PLCB1: variants seen among roughly 807,000 people sequenced by gnomAD.
PLCB1 encodes the protein phospholipase C beta 1, also known as 1-phosphatidylinositol 4,5-bisphosphate phosphodiesterase beta-1.
PLCB1 carries 46 observed loss-of-function variants against 161.8 expected under a neutral mutation model. That is an observed-to-expected ratio of 0.28 (90% CI 0.22 to 0.36). PLCB1 has a LOEUF of 0.36. Among genes scored for constraint, PLCB1 ranks in the 10% least tolerant of loss-of-function variants. The pLI, the probability that PLCB1 is intolerant of heterozygous loss-of-function variation, is 1.00. For missense variants in PLCB1, 1,016 were observed against 1,472.5 expected, an observed-to-expected ratio of 0.69 and a Z score of 5.07; for synonymous variants, 517 against 503.7, an observed-to-expected ratio of 1.03 and a Z score of -0.35.
At chr20:8,878,830 G>A (rs962546376) in intron 31 of PLCB1, among the ~76,000 whole-genome samples, 7 of 151,390 alleles carry the variant, frequency 4.6e-5, no homozygotes, top group Admixed American at 2.6e-4. Flanking sequence ...GTACAGGTTT[G>A]TTACATGAGT....
At chr20:8,348,767 A>C (rs1986080747) in intron 2 of PLCB1, among the ~76,000 whole-genome samples, 1 of 152,206 alleles carries the variant, frequency 6.6e-6, no homozygotes, top group Non-Finnish European at 1.5e-5. Context: ...TGTGGTTATA[A>C]GTAGAACTAA....
intron 1 of PLCB1, among the ~76,000 whole-genome samples, chr20:8,145,548 G>C (rs2051445076): frequency 6.6e-6 from 1 of 152,188 alleles, no homozygotes; most frequent in African/African-American, 2.4e-5. Flanking sequence ...GAAGAAGTTA[G>C]ATTTATTTTG....
At chr20:8,403,514 G>A (rs995785440) in intron 3 of PLCB1, among the ~76,000 whole-genome samples, 8 of 152,192 alleles carry the variant, frequency 5.3e-5, no homozygotes, top group East Asian at 3.8e-4. Flanking sequence ...CAGTGGTGCC[G>A]TAGGTTGGAA....
At chr20:8,455,669 G>A (rs1002497902) in intron 3 of PLCB1, among the ~76,000 whole-genome samples, 3 of 151,990 alleles carry the variant, frequency 2.0e-5, no homozygotes, top group African/African-American at 7.2e-5. Flanking sequence ...TCTTCTAAGT[G>A]TGCTGCACCC....
At chr20:8,195,251 G>A (rs2052009192) in intron 2 of PLCB1, among the ~76,000 whole-genome samples, 1 of 151,994 alleles carries the variant, frequency 6.6e-6, no homozygotes, top group Non-Finnish European at 1.5e-5. Context: ...AGAAGATATA[G>A]CAGTTTGTCT....
chr20:8,427,708 G>C (rs927824479), intron 3 of PLCB1, among the ~76,000 whole-genome samples: 1 of 152,136 alleles, frequency 6.6e-6, no homozygotes, highest in African/African-American at 2.4e-5. Flanking sequence ...TTCTTGATTG[G>C]TTGGAGTAAG....
chr20:8,261,057 G>T (rs965432285), intron 2 of PLCB1, among the ~76,000 whole-genome samples: 1 of 152,116 alleles, frequency 6.6e-6, no homozygotes, highest in South Asian at 2.1e-4. Context: ...CCAAGGGATC[G>T]GGTGGGGACT....
At chr20:8,712,554 ACT>A (rs1281156181) in intron 12 of PLCB1, among the ~76,000 whole-genome samples, 1 of 152,180 alleles carries the variant, frequency 6.6e-6, no homozygotes, top group Non-Finnish European at 1.5e-5. Flanking sequence ...GCCCTACTTG[ACT>A]CTGACATCCT....
In PLCB1 at chr20:8,882,643, A is replaced by G. The variant is rs1988036581; in HGVS notation, c.*794A>G. 6.6e-6 allele frequency: 1 copy of G among 152,596 alleles called. No individual in the cohort carries two copies. Among genetic ancestry groups the G allele is most frequent in the Non-Finnish European group, 1.5e-5 (1 of 68,048 alleles). 9.5% of individuals were successfully genotyped at this position (152,596 alleles called of 1,614,324 possible). A position where few individuals can be genotyped will look rare whatever the true frequency, so the allele number is the denominator to read the frequency against. ...TGGGTATTCATTGGTTATTGGCCTGAAATGATCAAATAACTACAAATGATC... is the reference window on the plus strand; with the variant it reads ...TGGGTATTCATTGGTTATTGGCCTGGAATGATCAAATAACTACAAATGATC... On this transcript the variant is annotated 3_prime_UTR_variant, in exon 32 of 32. Coordinates refer to ENST00000338037, the MANE Select transcript of PLCB1 (RefSeq NM_015192.4).
At chr20:8,300,026 G>A (rs1983823923) in intron 2 of PLCB1, among the ~76,000 whole-genome samples, 1 of 152,134 alleles carries the variant, frequency 6.6e-6, no homozygotes. Context: ...GAGTGGGTGG[G>A]GTTCACCTTG....
intron 31 of PLCB1, among the ~76,000 whole-genome samples, chr20:8,814,052 G>A (rs765515730): frequency 5.9e-5 from 9 of 152,108 alleles, no homozygotes; most frequent in Non-Finnish European, 1.3e-4. Flanking sequence ...GGGAGTTTTA[G>A]AAATGACTTT....
intron 1 of PLCB1, among the ~76,000 whole-genome samples, chr20:8,148,441 A>G (rs1568569980): frequency 1.3e-5 from 2 of 152,174 alleles, no homozygotes. Context: ...TGTAAAAGAT[A>G]TTTTTCAAAC....
chr20:8,358,132 A>T (rs891852674), intron 2 of PLCB1, among the ~76,000 whole-genome samples: 8 of 131,606 alleles, frequency 6.1e-5, no homozygotes, highest in Non-Finnish European at 9.6e-5. Context: ...TCTTGCCCTG[A>T]CTTTTGCCCA....
intron 2 of PLCB1, among the ~76,000 whole-genome samples, chr20:8,286,980 G>T (rs1983151866): frequency 6.6e-6 from 1 of 152,048 alleles, no homozygotes; most frequent in African/African-American, 2.4e-5. Context: ...ACCAGCCAAG[G>T]ATATAAATTC....
intron 3 of PLCB1, among the ~76,000 whole-genome samples, chr20:8,498,244 C>T (rs1442642246): frequency 6.6e-6 from 1 of 152,094 alleles, no homozygotes; most frequent in South Asian, 2.1e-4. Flanking sequence ...ATTACAGGCA[C>T]GTGCCACCAC....
At chr20:8,789,475 C>G in intron 29 of PLCB1, 43 bp from the exon 30 acceptor site, 1 of 1,262,662 alleles carries the variant, frequency 7.9e-7, no homozygotes, top group Non-Finnish European at 1.2e-6. Flanking sequence ...TTTGTCAATT[C>G]TGGATGAATT....
intron 31 of PLCB1, among the ~76,000 whole-genome samples, chr20:8,853,206 A>G (rs1986949484): frequency 6.6e-6 from 1 of 152,240 alleles, no homozygotes; most frequent in Admixed American, 6.5e-5. Flanking sequence ...TATATAAATA[A>G]AATAAAGTAG....
intron 3 of PLCB1, among the ~76,000 whole-genome samples, chr20:8,487,132 C>CT (rs1982763712): frequency 6.6e-6 from 1 of 152,086 alleles, no homozygotes; most frequent in Admixed American, 6.6e-5. Context: ...ATGTGTGTGT[C>CT]TATGTGTGTA....
chr20:8,782,526 G>C (rs1410690114), intron 27 of PLCB1, among the ~76,000 whole-genome samples: 3 of 152,074 alleles, frequency 2.0e-5, no homozygotes, highest in African/African-American at 4.8e-5. Context: ...CCAAGTAGCT[G>C]GGACTACAGG....
Sources: gnomAD v4.1 joint callset for allele counts (sites outside exome capture counted in the v4.1 genomes callset) on GRCh38, gnomAD v4.1.1 for gene constraint, MANE v1.5 for transcripts, NCBI Gene and HGNC (gene_info 2026-07-23, HGNC 2026-07-21) for gene names.